CYP4F8: variants seen among roughly 807,000 people sequenced by gnomAD.
CYP4F8 encodes cytochrome P450 family 4 subfamily F member 8.
CYP4F8 carries 56 observed loss-of-function variants against 55.0 expected under a neutral mutation model. The observed-to-expected ratio is 1.02, with a 90% CI of 0.82 to 1.27. CYP4F8 has a LOEUF of 1.27. Among genes scored for constraint, CYP4F8 ranks in the 50% most tolerant of loss-of-function variants. The pLI is 0.00. For missense variants in CYP4F8, 680 were observed against 682.4 expected (o/e 1.00, Z 0.04); for synonymous variants, 288 against 267.3 (o/e 1.08, Z -0.76).
At position 15,629,257 on chromosome 19, in the gene CYP4F8, C is replaced by T. The variant is rs201166643; in HGVS notation, c.1462C>T (p.Arg488Cys). Reference sequence around the variant, plus strand: ...GGTGGTCCTGGCGCTCACGCTGCTGCGCTTCCGCATCCTGCCCGACCACAG... The same window carrying T: ...GGTGGTCCTGGCGCTCACGCTGCTGTGCTTCCGCATCCTGCCCGACCACAG... ...MKVVLALTLL[R>C]FRILPDHREP... The change falls in exon 13 of 13, where the codon CGC (arginine) becomes TGC (cysteine). Residue 488 changes from arginine to cysteine, a missense_variant. Transcript: ENST00000612078. 3 of 1,613,440 alleles carry T rather than the reference C, an allele frequency of 1.9e-6. No homozygotes were observed. Among genetic ancestry groups the T allele is most frequent in the South Asian group, 1.1e-5 (1 of 90,914 alleles).
chr19:15,624,169 G>A, intron 9 of CYP4F8, 75 bp downstream of exon 9: 1 of 1,567,144 alleles, frequency 6.4e-7, no homozygotes, highest in Non-Finnish European at 8.7e-7. Context: ...CCCAGGTGGG[G>A]GAAAAGGGGA....
In CYP4F8 at chr19:15,623,328, G is replaced by A. The variant is rs1972220026; in HGVS notation, c.871G>A (p.Ala291Thr). ...TGTTGATGACTTCCTCCAAGCCAAG[G>A]CCAAGTCCAAGACTTTGGACTTTAT... ...QGVDDFLQAKAKSKTLDFIDV... is the reference protein window; with the variant it reads ...QGVDDFLQAKTKSKTLDFIDV... The change falls in exon 7 of 13, where the codon GCC (alanine) becomes ACC (threonine). Residue 291 changes from alanine (A) to threonine (T), a missense_variant. Ala to Thr is a moderately conservative substitution (Grantham distance 58). Coordinates refer to ENST00000612078, the MANE Select transcript of CYP4F8 (RefSeq NM_007253.4). The A allele has an allele frequency of 6.2e-7, 1 of 1,613,882 alleles. No individual in the cohort carries two copies. The highest frequency in any genetic ancestry group is 1.3e-5 in the African/African-American group (1 of 74,840).
chr19:15,627,017 C>T (rs989816860), intron 9 of CYP4F8, among the ~76,000 whole-genome samples: 3 of 152,178 alleles, frequency 2.0e-5, no homozygotes, highest in Admixed American at 6.5e-5. Context: ...TATTCACAGG[C>T]CTGATTCTGA....
Position 15,629,721 on chromosome 19 carries a change from T to C in CYP4F8, c.*363T>C, listed in dbSNP as rs1304745881. ...GGTGCATAGCAGCCTGAAATACAGATCACATTTGAAAGCCTTTCTTGAAGC... is the reference window on the plus strand; with the variant it reads ...GGTGCATAGCAGCCTGAAATACAGACCACATTTGAAAGCCTTTCTTGAAGC... On this transcript the variant is annotated 3_prime_UTR_variant, in exon 13 of 13. Coordinates refer to ENST00000612078, the MANE Select transcript of CYP4F8 (RefSeq NM_007253.4). 1.0e-5 allele frequency: 2 copies of C among 191,596 alleles called. No homozygotes were observed. Among genetic ancestry groups the C allele is most frequent in the Non-Finnish European group, 2.1e-5 (2 of 93,528 alleles). The allele number at this position is 191,596 out of a possible 1,614,324, so 11.9% of individuals were successfully genotyped here.
intron 6 of CYP4F8, 24 bp from the exon 7 acceptor site, chr19:15,623,081 C>T: frequency 6.2e-7 from 1 of 1,603,788 alleles, no homozygotes; most frequent in Non-Finnish European, 8.5e-7. Context: ...GGAGCTGCTT[C>T]CTCTCTCTGG....
At chr19:15,615,592 C>T (rs1365989075) in intron 1 of CYP4F8, 24 bp from the exon 2 acceptor site, 2 of 1,610,904 alleles carry the variant, frequency 1.2e-6, no homozygotes. Context: ...CAGGACCTCA[C>T]CCTCCATCCC....
At chr19:15,623,498 G>A (rs920718173) in intron 7 of CYP4F8, 123 bp downstream of exon 7, 43 of 1,440,488 alleles carry the variant, frequency 3.0e-5, no homozygotes, top group Non-Finnish European at 3.9e-5. Context: ...GAAGAAGGGA[G>A]GGACAAGTCA....
At chr19:15,617,945 TC>T (rs1457981196) in intron 2 of CYP4F8, 54 bp from the exon 3 acceptor site, 2 of 1,583,370 alleles carry the variant, frequency 1.3e-6, no homozygotes, top group South Asian at 2.3e-5. Context: ...TATCTGGGCA[TC>T]CCTTAACCCA....
intron 9 of CYP4F8, chr19:15,628,077 A>C (rs1568385272): frequency 1.5e-6 from 1 of 648,522 alleles, no homozygotes; most frequent in South Asian, 2.0e-5. Flanking sequence ...TACTTTTAAG[A>C]GACACCCTCT....
intron 5 of CYP4F8, among the ~76,000 whole-genome samples, chr19:15,620,888 A>AT (rs911733786): frequency 2.3e-4 from 35 of 151,882 alleles, no homozygotes; most frequent in East Asian, 9.7e-4. Flanking sequence ...AACGACTAGG[A>AT]TTTTTTTTTC....
intron 6 of CYP4F8, 38 bp downstream of exon 6, chr19:15,622,378 GTGGGGGT>G: frequency 6.3e-7 from 1 of 1,592,714 alleles, no homozygotes; most frequent in Non-Finnish European, 8.6e-7. Context: ...ATGGGATGGA[GTGGGGGT>G]GTGGGTGTGG....
At chr19:15,617,532 ATCAG>A (rs1331226794) in intron 2 of CYP4F8, among the ~76,000 whole-genome samples, 38 of 147,860 alleles carry the variant, frequency 2.6e-4, no homozygotes, top group Non-Finnish European at 5.0e-4. Context: ...CTATCTATCT[ATCAG>A]TCCGTCTGTC....
Position 15,618,053 on chromosome 19 carries a change from C to T in CYP4F8, c.252C>T (p.Tyr84=), listed in dbSNP as rs1484049598. The change falls in exon 3 of 13, where the codon TAC becomes TAT. Residue 84 remains tyrosine, a synonymous_variant. Transcript: ENST00000612078. ...LRVLTQLVAT[Y]PQGFVRWLGP... is the part of the protein sequence containing the mutation. ...TCCTGACCCAGCTGGTGGCCACCTA[C>T]CCCCAGGGCTTTGTGAGGTGGTTGG... is the stretch of plus-strand genomic sequence containing the variant. 1.2e-6 allele frequency: 2 copies of T among 1,613,994 alleles called. No individual in the cohort carries two copies. Among genetic ancestry groups the T allele is most frequent in the Non-Finnish European group, 1.7e-6 (2 of 1,179,998 alleles).
intron 9 of CYP4F8, among the ~76,000 whole-genome samples, chr19:15,624,573 A>G (rs1184967590): frequency 6.6e-6 from 1 of 152,254 alleles, no homozygotes; most frequent in East Asian, 1.9e-4. Flanking sequence ...CTGACATGTC[A>G]TCTTTGTAGA....
At chr19:15,623,559 G>T (rs1207043764) in intron 7 of CYP4F8, 140 bp from the exon 8 acceptor site, 12 of 994,992 alleles carry the variant, frequency 1.2e-5, no homozygotes, top group Non-Finnish European at 1.5e-5. Flanking sequence ...AGAACAAACA[G>T]GAGGTCGGAA....
chr19:15,618,613 G>T (rs537383877), intron 3 of CYP4F8: 9 of 319,558 alleles, frequency 2.8e-5, no homozygotes, highest in Non-Finnish European at 4.9e-5. Flanking sequence ...CAGGGGCAGG[G>T]TGATGCAGTG....
intron 9 of CYP4F8, among the ~76,000 whole-genome samples, chr19:15,624,987 T>G (rs1403615860): frequency 6.6e-6 from 1 of 152,096 alleles, no homozygotes; most frequent in East Asian, 1.9e-4. Flanking sequence ...TCGCATTGTC[T>G]TGGACTTTAT....
chr19:15,627,568 T>G (rs1000239698), intron 9 of CYP4F8: 2 of 152,190 alleles, frequency 1.3e-5, no homozygotes, highest in African/African-American at 4.8e-5. Flanking sequence ...TCCAGCTAGA[T>G]TTTTATTAAT....
In CYP4F8 at chr19:15,619,695, C is replaced by T. The variant is rs1286753932; in HGVS notation, c.458C>T (p.Pro153Leu). The T allele has an allele frequency of 6.2e-7, 1 of 1,614,200 alleles. No individual in the cohort carries two copies. The highest frequency in any genetic ancestry group is 1.7e-5 in the Admixed American group (1 of 60,028). Residue 153 changes from proline (P) to leucine (L), a missense_variant, in exon 5 of 13, where the codon CCT becomes CTT. Coordinates refer to ENST00000612078, the MANE Select transcript of CYP4F8 (RefSeq NM_007253.4). ...KWRHHRRLLTPAFHFNILKPY... is the reference protein window; with the variant it reads ...KWRHHRRLLTLAFHFNILKPY... The stretch of plus-strand genomic sequence containing the variant: ...AGACACCACCGTCGCTTGCTGACGC[C>T]TGCCTTCCATTTCAACATCCTGAAG...
Sources: gnomAD v4.1 joint callset for allele counts (sites outside exome capture counted in the v4.1 genomes callset) on GRCh38, gnomAD v4.1.1 for gene constraint, MANE v1.5 for transcripts, NCBI Gene and HGNC (gene_info 2026-07-23, HGNC 2026-07-21) for gene names.